The following NSRP1 variants were observed in gnomAD, a reference collection of about 807,000 sequenced individuals.
NSRP1 encodes the protein coiled-coil domain containing 55.
In NSRP1, 24 loss-of-function variants were observed where a neutral mutation model predicts 54.7. That is an observed-to-expected ratio of 0.44 (90% CI 0.32 to 0.62). The LOEUF is 0.62. Ranked by LOEUF, NSRP1 falls within the 20% of genes least tolerant of loss-of-function variation. The probability of loss-of-function intolerance (pLI) is 0.06; values close to 1 mark genes in which losing one functional copy is unlikely to be tolerated. For synonymous variants in NSRP1, 210 were observed against 213.8 expected, an observed-to-expected ratio of 0.98 and a Z score of 0.15; for missense variants, 596 against 651.2, an observed-to-expected ratio of 0.92 and a Z score of 0.92.
chr17:30,133,979 A>G (rs1023398530), intron 2 of NSRP1, among the ~76,000 whole-genome samples: 5 of 152,244 alleles, frequency 3.3e-5, no homozygotes, highest in African/African-American at 9.6e-5. Flanking sequence ...GCCTTTCAGC[A>G]TGCCTTCCTC....
chr17:30,178,027 T>C (rs1440295139), intron 3 of NSRP1, 44 bp from the exon 4 acceptor site: 1 of 1,598,814 alleles, frequency 6.3e-7, no homozygotes, highest in African/African-American at 1.3e-5. Flanking sequence ...GTTGTATCTA[T>C]TGGCTGGCTC....
chr17:30,180,350 T>C (rs1223118124), intron 5 of NSRP1, among the ~76,000 whole-genome samples: 1 of 150,048 alleles, frequency 6.7e-6, no homozygotes, highest in Non-Finnish European at 1.5e-5. Flanking sequence ...GAGACGGAGT[T>C]TTACCATGTT....
intron 2 of NSRP1, among the ~76,000 whole-genome samples, chr17:30,162,464 T>C (rs916239069): frequency 2.0e-5 from 3 of 152,150 alleles, no homozygotes; most frequent in African/African-American, 7.2e-5. Flanking sequence ...TGTGGACAAA[T>C]AGAGATTGCT....
At chr17:30,166,795 G>A (rs148158971) in intron 2 of NSRP1, among the ~76,000 whole-genome samples, 65 of 152,122 alleles carry the variant, frequency 4.3e-4, no homozygotes, top group Non-Finnish European at 5.9e-4. Flanking sequence ...GCATGGTGGC[G>A]CACACTTGTA....
At chr17:30,172,886 CTT>C (rs1905002083) in intron 3 of NSRP1, among the ~76,000 whole-genome samples, 1 of 151,510 alleles carries the variant, frequency 6.6e-6, no homozygotes, top group Non-Finnish European at 1.5e-5. Flanking sequence ...GTTTCACAAA[CTT>C]ATAATTATTT....
At chr17:30,130,272 A>AT (rs1452424915) in intron 2 of NSRP1, among the ~76,000 whole-genome samples, 1 of 150,890 alleles carries the variant, frequency 6.6e-6, no homozygotes, top group Non-Finnish European at 1.5e-5. Context: ...ATTTTTTTTT[A>AT]TTTTTTTGTT....
chr17:30,116,858 C>T lies in NSRP1; in HGVS notation c.15C>T (p.Gly5=). 6.3e-7 allele frequency: 1 copy of T among 1,575,764 alleles called. No individual in the cohort carries two copies. Among genetic ancestry groups the T allele is most frequent in the Non-Finnish European group, 8.6e-7 (1 of 1,160,232 alleles). The change falls in exon 1 of 7, where the codon GGC becomes GGT. Residue 5 remains glycine, a synonymous_variant. Transcript: ENST00000247026. The part of the protein sequence containing the change: MAIP[G]RQYGLILPKK... ...ACGGGAGCAAGATGGCGATTCCGGG[C>T]AGGCAGTGAGTGATCCGGGAGTTAG... is the stretch of plus-strand genomic sequence containing the variant.
intron 2 of NSRP1, among the ~76,000 whole-genome samples, chr17:30,143,021 C>T (rs2071820048): frequency 6.6e-6 from 1 of 152,194 alleles, no homozygotes; most frequent in Non-Finnish European, 1.5e-5. Flanking sequence ...GTAAGCTTTA[C>T]TTCCAAATTT....
At position 30,171,032 on chromosome 17, in the gene NSRP1, C is replaced by A. The variant is rs184323429; in HGVS notation, c.115-1510C>A. 6.6e-5 allele frequency among the ~76,000 whole-genome samples: 10 copies of A among 152,162 alleles called. No homozygotes were observed. In the East Asian group the frequency reaches 1.5e-3, roughly 24 times the overall value. ...TTTACATTTCCCTGATGATTAAAGC[C>A]TGTACTATTAAGGAAACATATTTTT... On this transcript the variant is annotated intron_variant, in intron 2 of 6. Transcript: ENST00000247026.
chr17:30,151,209 C>A (rs563782705), intron 2 of NSRP1, among the ~76,000 whole-genome samples: 1 of 151,910 alleles, frequency 6.6e-6, no homozygotes, highest in Non-Finnish European at 1.5e-5. Context: ...TTTAGTTTGT[C>A]TTTTTATTGT....
intron 2 of NSRP1, among the ~76,000 whole-genome samples, chr17:30,146,872 C>A (rs936521022): frequency 2.6e-5 from 4 of 152,024 alleles, no homozygotes; most frequent in African/African-American, 9.7e-5. Context: ...ATTACAGGCG[C>A]AAGCCACCAC....
At chr17:30,124,672 G>A (rs189395644) in intron 2 of NSRP1, among the ~76,000 whole-genome samples, 1 of 152,330 alleles carries the variant, frequency 6.6e-6, no homozygotes, top group East Asian at 1.9e-4. Context: ...TTACCTGGTG[G>A]GAACTGGGCT....
intron 2 of NSRP1, among the ~76,000 whole-genome samples, chr17:30,147,924 G>T (rs958034052): frequency 1.3e-5 from 2 of 151,542 alleles, no homozygotes; most frequent in Middle Eastern, 3.4e-3. Flanking sequence ...CAATTCTCCT[G>T]TCCCAGCCTC....
At chr17:30,151,650 G>A (rs2071911422) in intron 2 of NSRP1, among the ~76,000 whole-genome samples, 1 of 152,124 alleles carries the variant, frequency 6.6e-6, no homozygotes. Flanking sequence ...GAGGTGAAAG[G>A]TGAGGCAGGC....
intron 2 of NSRP1, among the ~76,000 whole-genome samples, chr17:30,167,135 C>CT (rs1567802851): frequency 1.3e-5 from 2 of 151,988 alleles, no homozygotes; most frequent in Non-Finnish European, 2.9e-5. Flanking sequence ...TGAGAACATA[C>CT]GATATTTATC....
intron 6 of NSRP1, among the ~76,000 whole-genome samples, chr17:30,181,810 A>G (rs1358884717): frequency 6.6e-6 from 1 of 151,754 alleles, no homozygotes; most frequent in Non-Finnish European, 1.5e-5. Context: ...GAGTTTCACC[A>G]TGTTGGCCAG....
intron 2 of NSRP1, among the ~76,000 whole-genome samples, chr17:30,153,357 G>C (rs2071931944): frequency 6.6e-6 from 1 of 151,644 alleles, no homozygotes; most frequent in Admixed American, 6.6e-5. Flanking sequence ...TCTTTTCCTA[G>C]TTTGAAATGT....
intron 2 of NSRP1, among the ~76,000 whole-genome samples, chr17:30,167,314 A>G (rs910200038): frequency 6.6e-6 from 1 of 152,170 alleles, no homozygotes; most frequent in African/African-American, 2.4e-5. Context: ...CTTGACCTTT[A>G]AAAACATAAG....
chr17:30,185,732 G>A lies in NSRP1; in HGVS notation c.*58G>A, dbSNP rs1468543668. 6.7e-7 allele frequency: 1 copy of A among 1,492,172 alleles called. No individual in the cohort carries two copies. The highest frequency in any genetic ancestry group is 2.3e-5 in the East Asian group (1 of 43,070). The allele number at this position is 1,492,172 out of a possible 1,614,324, so 92.4% of individuals were successfully genotyped here. On this transcript the variant is annotated 3_prime_UTR_variant, in exon 7 of 7. Transcript: ENST00000247026. Reference sequence around the variant, plus strand: ...CAGAAAACTGTAATTCCTGGAACCTGCTGCGTAAAACCATAAAGGAGTGTG... The same window carrying A: ...CAGAAAACTGTAATTCCTGGAACCTACTGCGTAAAACCATAAAGGAGTGTG...
Sources: allele counts gnomAD v4.1 joint callset (sites outside exome capture counted in the v4.1 genomes callset), GRCh38; gene constraint gnomAD v4.1.1; transcripts MANE v1.5; gene names NCBI Gene and HGNC (gene_info 2026-07-23, HGNC 2026-07-21).